The following AKAP8L variants were observed in gnomAD, a reference collection of about 807,000 sequenced individuals.
AKAP8L encodes A-kinase anchor protein 8-like.
A neutral mutation model predicts 77.5 loss-of-function variants in AKAP8L; 34 were observed. The ratio of observed to expected loss-of-function variants is 0.44; its 90% CI spans 0.33 to 0.58. The LOEUF is 0.58. Among genes scored for constraint, AKAP8L ranks in the 20% least tolerant of loss-of-function variants. AKAP8L has a pLI of 0.02. For missense variants in AKAP8L, 806 were observed against 887.6 expected (o/e 0.91, Z 1.17); for synonymous variants, 342 against 340.7 (o/e 1.00, Z -0.04).
chr19:15,418,525 C>T (rs895821474), intron 1 of AKAP8L, among the ~76,000 whole-genome samples: 1 of 152,150 alleles, frequency 6.6e-6, no homozygotes, highest in African/African-American at 2.4e-5. Context: ...GCGACAATGG[C>T]GACGGCAGCC....
chr19:15,380,352 C>T lies in AKAP8L; in HGVS notation c.1711G>A (p.Ala571Thr). ...EAEGGALDEG[A>T]QGEAAGISEG... The stretch of plus-strand genomic sequence containing the variant: ...GAGATCCCTGCCGCTTCGCCCTGCG[C>T]CCCCTCGTCCAGGGCACCGCCCTCA... Residue 571 changes from alanine (A) to threonine (T), a missense_variant, in exon 14 of 14, where the codon GCG (alanine) becomes ACG (threonine). Ala to Thr is a moderately conservative substitution (Grantham distance 58, BLOSUM62 0). Coordinates refer to ENST00000397410, the MANE Select transcript of AKAP8L (RefSeq NM_014371.4). The T allele has an allele frequency of 1.3e-6, 2 of 1,552,326 alleles. No homozygotes were observed. Among genetic ancestry groups the T allele is most frequent in the South Asian group, 1.2e-5 (1 of 84,952 alleles).
intron 12 of AKAP8L, among the ~76,000 whole-genome samples, 180 bp downstream of exon 12, chr19:15,396,970 A>G (rs546444411): frequency 6.6e-6 from 1 of 152,152 alleles, no homozygotes; most frequent in Non-Finnish European, 1.5e-5. Context: ...CAGAGTCCCC[A>G]TCTCTCACCC....
chr19:15,397,340 T>G lies in AKAP8L; in HGVS notation c.1406-60A>C. ...AGGTGCCTAAGATAGACCCAGGTGT[T>G]CGAGAAAAAAACCACACCAGCTCCT... On this transcript the variant is annotated intron_variant, in intron 11 of 13. Coordinates refer to ENST00000397410, the MANE Select transcript of AKAP8L (RefSeq NM_014371.4). This position sits in a 1 kb window ranked among gnomAD's most constrained non-coding sequence, Gnocchi z 4.7. 2 of 1,598,368 alleles carry G rather than the reference T, an allele frequency of 1.3e-6. No individual in the cohort carries two copies. Among genetic ancestry groups the G allele is most frequent in the Non-Finnish European group, 1.7e-6 (2 of 1,169,784 alleles).
rs1967368577 is a variant in AKAP8L, at chr19:15,380,175, T to G, written c.1888A>C (p.Ile630Leu). 6.6e-7 allele frequency: 1 copy of G among 1,505,572 alleles called. No homozygotes were observed. The highest frequency in any genetic ancestry group is 1.5e-5 in the African/African-American group (1 of 68,898). The allele number at this position is 1,505,572 out of a possible 1,614,324, so 93.3% of individuals were successfully genotyped here. Residue 630 changes from isoleucine (I) to leucine (L), a missense_variant, in exon 14 of 14, where the codon ATC becomes CTC. Ile to Leu is a conservative substitution (Grantham distance 5). Coordinates refer to ENST00000397410, the MANE Select transcript of AKAP8L (RefSeq NM_014371.4). ...GGALQRQIRG[I>L]PGLDVEDDEE... ...TCGTCCTCCACGTCGAGGCCCGGGA[T>G]GCCGCGGATCTGGCGTTGCAGCGCC...
chr19:15,395,402 G>A (rs921425928), intron 12 of AKAP8L, among the ~76,000 whole-genome samples: 1 of 151,910 alleles, frequency 6.6e-6, no homozygotes, highest in Non-Finnish European at 1.5e-5. Context: ...TGCCACCTCT[G>A]CCTCCTGGGT....
chr19:15,380,618 G>A lies in AKAP8L; in HGVS notation c.1537-6C>T. On this transcript the variant is annotated splice_region_variant and splice_polypyrimidine_tract_variant and intron_variant, in intron 12 of 13. Transcript: ENST00000397410. ...TTGGACTGCTCCATCATGAGCTGCG[G>A]GCAGGGCAGAAGGAGCTGGAGAGGC... 1 of 1,613,114 alleles carries A rather than the reference G, an allele frequency of 6.2e-7. No individual in the cohort carries two copies. Among genetic ancestry groups the A allele is most frequent in the Non-Finnish European group, 8.5e-7 (1 of 1,179,826 alleles).
In AKAP8L at chr19:15,415,835, G is replaced by A. The variant is rs549545499; in HGVS notation, c.13+3076C>T. Among the ~76,000 whole-genome samples, 342 of 151,530 alleles carry A rather than the reference G, an allele frequency of 2.3e-3. 4 individuals carry two copies. In the South Asian group the frequency reaches 0.039, roughly 17 times the overall value. ...TGGGAGGCGGAGCTTGCAGTGGGCC[G>A]AGATGGCGCCACTGCACTCCAGCCT... On this transcript the variant is annotated intron_variant, in intron 1 of 13. Transcript: ENST00000397410.
At position 15,397,006 on chromosome 19, in the gene AKAP8L, A is replaced by T; in HGVS notation, c.1536+144T>A. ...CTCTCTCTGTAGCTGTGCTGCCTGC[A>T]CTGAGCTGGAAATGTCCATATCCAC... On this transcript the variant is annotated intron_variant, in intron 12 of 13. Transcript: ENST00000397410. The surrounding 1 kb of genome is among the most constrained non-coding windows in gnomAD (Gnocchi z 4.7). 1 of 1,140,804 alleles carries T rather than the reference A, an allele frequency of 8.8e-7. No individual in the cohort carries two copies. Among genetic ancestry groups the T allele is most frequent in the Non-Finnish European group, 1.3e-6 (1 of 790,384 alleles). 70.7% of individuals were successfully genotyped at this position (1,140,804 alleles called of 1,614,324 possible).
chr19:15,389,135 G>T (rs1012509520), intron 12 of AKAP8L, among the ~76,000 whole-genome samples: 2 of 148,038 alleles, frequency 1.4e-5, no homozygotes, highest in African/African-American at 5.0e-5. Context: ...TGAGGCAGGA[G>T]AATGGCATGA....
intron 2 of AKAP8L, chr19:15,404,371 A>G: frequency 3.5e-6 from 1 of 288,210 alleles, no homozygotes; most frequent in Non-Finnish European, 6.5e-6. Flanking sequence ...TAATCAGTTT[A>G]TAGCAGAAAA....
At chr19:15,405,630 A>G (rs1031673571) in intron 2 of AKAP8L, among the ~76,000 whole-genome samples, 1 of 152,058 alleles carries the variant, frequency 6.6e-6, no homozygotes, top group African/African-American at 2.4e-5. Flanking sequence ...TAGCTATTCT[A>G]AAGAAAATAG....
intron 2 of AKAP8L, among the ~76,000 whole-genome samples, chr19:15,405,291 C>T (rs529092275): frequency 2.0e-5 from 3 of 152,232 alleles, no homozygotes; most frequent in Non-Finnish European, 4.4e-5. Context: ...CCCAGCACTT[C>T]GGGAGGTCGA....
Position 15,386,763 on chromosome 19 carries a change from A to G in AKAP8L, c.1537-6151T>C, listed in dbSNP as rs142030168. ...AACCTCTACTTCCCGGGTTCAAACA[A>G]TTCTCCTGCCTCAGCCTTCCGAGTA... is the stretch of plus-strand genomic sequence containing the variant. On this transcript the variant is annotated intron_variant, in intron 12 of 13. Transcript: ENST00000397410. 5.3e-4 allele frequency among the ~76,000 whole-genome samples: 80 copies of G among 152,222 alleles called. No homozygotes were observed. In the East Asian group the frequency reaches 0.013, roughly 25 times the overall value.
At chr19:15,418,775 G>A (rs367904776) in intron 1 of AKAP8L, 136 bp downstream of exon 1, 1 of 833,606 alleles carries the variant, frequency 1.2e-6, no homozygotes. Context: ...GAGGCGACGG[G>A]CCAGCGGCGC....
At chr19:15,384,231 A>G (rs1359395625) in intron 12 of AKAP8L, among the ~76,000 whole-genome samples, 1 of 146,336 alleles carries the variant, frequency 6.8e-6, no homozygotes, top group Non-Finnish European at 1.5e-5. Context: ...GTGCCCGGCT[A>G]AGGTCTTATT....
intron 2 of AKAP8L, among the ~76,000 whole-genome samples, chr19:15,405,892 A>C (rs764001592): frequency 3.3e-5 from 5 of 152,032 alleles, no homozygotes; most frequent in Non-Finnish European, 7.4e-5. Context: ...ACTGCACTAC[A>C]GGCTAGGCGA....
chr19:15,394,247 A>G (rs898698891), intron 12 of AKAP8L, among the ~76,000 whole-genome samples: 1 of 152,214 alleles, frequency 6.6e-6, no homozygotes, highest in African/African-American at 2.4e-5. Context: ...ATATGAAGGA[A>G]TGAAGTTCTG....
chr19:15,385,473 G>A (rs544618603), intron 12 of AKAP8L, among the ~76,000 whole-genome samples: 4 of 152,032 alleles, frequency 2.6e-5, no homozygotes, highest in Admixed American at 2.0e-4. Context: ...GAGCCACCGC[G>A]CCCGGCAACT....
chr19:15,392,305 G>T (rs1054981536), intron 12 of AKAP8L, among the ~76,000 whole-genome samples: 1 of 151,708 alleles, frequency 6.6e-6, no homozygotes, highest in Non-Finnish European at 1.5e-5. Context: ...AGACCAGCCT[G>T]GGCAACATGG....
Sources: allele counts gnomAD v4.1 joint callset (sites outside exome capture counted in the v4.1 genomes callset), GRCh38; gene constraint gnomAD v4.1.1; non-coding constraint Gnocchi (gnomAD v3.1); transcripts MANE v1.5; gene names NCBI Gene and HGNC (gene_info 2026-07-23, HGNC 2026-07-21).